SLC16A10: variants seen among roughly 807,000 people sequenced by gnomAD.
The protein encoded by SLC16A10 is solute carrier family 16 member 10.
In SLC16A10, 27 loss-of-function variants were observed where a neutral mutation model predicts 40.0. That is an observed-to-expected ratio of 0.67 (90% CI 0.50 to 0.93). The LOEUF (loss-of-function observed/expected upper bound fraction) is 0.93, where lower values mean the gene tolerates loss of function less well. Ranked by LOEUF, SLC16A10 falls within the 40% of genes least tolerant of loss-of-function variation. The pLI is 0.00. For missense variants in SLC16A10, 529 were observed against 658.2 expected (o/e 0.80, Z 2.15); for synonymous variants, 213 against 249.8 (o/e 0.85, Z 1.39).
chr6:111,151,120 A>C (rs923210900), intron 1 of SLC16A10, among the ~76,000 whole-genome samples: 1 of 152,212 alleles, frequency 6.6e-6, no homozygotes, highest in African/African-American at 2.4e-5. Context: ...TAATTTGTTC[A>C]AAATACAGAA....
At chr6:111,202,884 CAAAAAAAAAAAAAAAAAAAAAA>C (rs567667458) in intron 3 of SLC16A10, among the ~76,000 whole-genome samples, 151 of 86,308 alleles carry the variant, frequency 1.7e-3, no homozygotes, top group African/African-American at 6.4e-3. Flanking sequence ...GAGACTCCAT[CAAAAAAAAAAAAAAAAAAAAAA>C]AAAAAAAAAA....
intron 3 of SLC16A10, among the ~76,000 whole-genome samples, chr6:111,196,021 C>G (rs1224547390): frequency 1.3e-5 from 2 of 151,396 alleles, no homozygotes; most frequent in Non-Finnish European, 2.9e-5. Context: ...TAAAAAAACA[C>G]TGGCCTGGGC....
intron 1 of SLC16A10, among the ~76,000 whole-genome samples, chr6:111,166,805 A>AT (rs1458773855): frequency 2.0e-5 from 3 of 152,170 alleles, no homozygotes; most frequent in South Asian, 4.1e-4. Flanking sequence ...GAGCCTTGGG[A>AT]TTTTTTCTCA....
chr6:111,169,495 C>T (rs1237112191), intron 1 of SLC16A10, among the ~76,000 whole-genome samples: 1 of 152,252 alleles, frequency 6.6e-6, no homozygotes, highest in Admixed American at 6.5e-5. Context: ...CCTTCCCCAG[C>T]CTCCATCTCC....
intron 3 of SLC16A10, among the ~76,000 whole-genome samples, chr6:111,197,124 G>A (rs1773092287): frequency 6.6e-6 from 1 of 152,296 alleles, no homozygotes; most frequent in African/African-American, 2.4e-5. Flanking sequence ...ATTTATGGGT[G>A]CAAATTTGAG....
Position 111,222,579 on chromosome 6 carries a change from G to A in SLC16A10, c.*344G>A, listed in dbSNP as rs888645552. 4.7e-6 allele frequency: 1 copy of A among 214,678 alleles called. No individual in the cohort carries two copies. Among genetic ancestry groups the A allele is most frequent in the African/African-American group, 2.4e-5 (1 of 42,004 alleles). The allele number at this position is 214,678 out of a possible 1,614,324, so 13.3% of individuals were successfully genotyped here. A position where few individuals can be genotyped will look rare whatever the true frequency, so the allele number is the denominator to read the frequency against. On this transcript the variant is annotated 3_prime_UTR_variant, in exon 6 of 6. Transcript: ENST00000368851. ...TACCTCAGGCTATACTGAAAGGGTT[G>A]CAGTTTGGTTAGGAGTGGAAATATT...
chr6:111,142,397 CA>C (rs1431486109), intron 1 of SLC16A10, among the ~76,000 whole-genome samples: 1 of 152,056 alleles, frequency 6.6e-6, no homozygotes, highest in Non-Finnish European at 1.5e-5. Flanking sequence ...ACATGAAACA[CA>C]AAACTATACA....
At chr6:111,092,688 C>T (rs934887174) in intron 1 of SLC16A10, among the ~76,000 whole-genome samples, 4 of 151,882 alleles carry the variant, frequency 2.6e-5, no homozygotes, top group African/African-American at 9.7e-5. Context: ...AGGAATCAGA[C>T]ACTCTGGGGA....
chr6:111,128,561 A>T (rs1017293767), intron 1 of SLC16A10, among the ~76,000 whole-genome samples: 1 of 149,458 alleles, frequency 6.7e-6, no homozygotes, highest in African/African-American at 2.4e-5. Context: ...TGTTAATTCC[A>T]TAACACCACA....
At chr6:111,142,011 A>G (rs185369264) in intron 1 of SLC16A10, among the ~76,000 whole-genome samples, 1 of 123,446 alleles carries the variant, frequency 8.1e-6, no homozygotes, top group East Asian at 2.3e-4. Context: ...AAGCAGAATA[A>G]AGTTAAAGTC....
Position 111,222,341 on chromosome 6 carries a change from GGAATA to G in SLC16A10, c.*108_*112del. 1.5e-6 allele frequency: 2 copies of G among 1,374,740 alleles called. No individual in the cohort carries two copies. The highest frequency in any genetic ancestry group is 1.9e-6 in the Non-Finnish European group (2 of 1,046,482). The allele number at this position is 1,374,740 out of a possible 1,614,324, so 85.2% of individuals were successfully genotyped here. Reference sequence around the variant, plus strand: ...TTCATATTTTTTTAATCACATCCTAGGAATAGCACAATAATTGGGAAATAGAACCC... The same window carrying G: ...TTCATATTTTTTTAATCACATCCTAGGCACAATAATTGGGAAATAGAACCC... On this transcript the variant is annotated 3_prime_UTR_variant, in exon 6 of 6. Transcript: ENST00000368851.
rs968747353 is a variant in SLC16A10 at position 111,087,579 on chromosome 6, CGGCCGCCTGCGCGCT to C, written c.-157_-143del. 249 of 254,060 alleles carry C rather than the reference CGGCCGCCTGCGCGCT, an allele frequency of 9.8e-4. 5 individuals are homozygous for C. Among genetic ancestry groups the C allele is most frequent in the East Asian group, 7.4e-3 (88 of 11,842 alleles). The allele number at this position is 254,060 out of a possible 1,614,324, so 15.7% of individuals were successfully genotyped here. A position where few individuals can be genotyped will look rare whatever the true frequency, so the allele number is the denominator to read the frequency against. On this transcript the variant is annotated 5_prime_UTR_variant, in exon 1 of 6. Transcript: ENST00000368851. ...TGTTCGCGCGCGCCAGCTGTCCTCG[CGGCCGCCTGCGCGCT>C]GGCCGCCTGCGCGCTGCCAGCCCGC... is the stretch of plus-strand genomic sequence containing the variant.
At chr6:111,164,071 C>T (rs1376237663) in intron 1 of SLC16A10, among the ~76,000 whole-genome samples, 1 of 152,116 alleles carries the variant, frequency 6.6e-6, no homozygotes, top group East Asian at 1.9e-4. Flanking sequence ...CATGTAATAC[C>T]CTTTTGAATT....
chr6:111,102,235 T>A (rs1188415505), intron 1 of SLC16A10, among the ~76,000 whole-genome samples: 1 of 152,226 alleles, frequency 6.6e-6, no homozygotes, highest in Admixed American at 6.5e-5. Flanking sequence ...TGAACAACTT[T>A]ATAACACCTG....
intron 3 of SLC16A10, among the ~76,000 whole-genome samples, chr6:111,188,638 T>C (rs750975422): frequency 5.9e-5 from 9 of 152,144 alleles, no homozygotes; most frequent in Non-Finnish European, 1.2e-4. Context: ...AATCTAAATA[T>C]GATAATTTAC....
At chr6:111,100,947 G>C (rs866202903) in intron 1 of SLC16A10, among the ~76,000 whole-genome samples, 1,441 of 67,984 alleles carry the variant, frequency 0.021, 26 homozygotes, top group African/African-American at 0.074. Flanking sequence ...GTTCTCTCTC[G>C]CTCTTTCTCT....
chr6:111,221,878 G>T (rs1375181490), intron 5 of SLC16A10, 125 bp from the exon 6 acceptor site: 3 of 766,068 alleles, frequency 3.9e-6, no homozygotes, highest in Non-Finnish European at 6.1e-6. Context: ...TTATATTTCA[G>T]ATCTGTTTCC....
chr6:111,185,309 A>C (rs1432397590), intron 3 of SLC16A10, among the ~76,000 whole-genome samples: 3 of 152,186 alleles, frequency 2.0e-5, no homozygotes, highest in Non-Finnish European at 2.9e-5. Flanking sequence ...TTGCTAATCC[A>C]GAGATAGGAG....
rs1425143802 is a variant in SLC16A10, at chr6:111,087,867, C to G, written c.115C>G (p.Pro39Ala). The G allele has an allele frequency of 1.3e-6, 2 of 1,514,900 alleles. No individual in the cohort carries two copies. The highest frequency in any genetic ancestry group is 1.8e-6 in the Non-Finnish European group (2 of 1,135,106). The allele number at this position is 1,514,900 out of a possible 1,614,324, so 93.8% of individuals were successfully genotyped here. A position where few individuals can be genotyped will look rare whatever the true frequency, so the allele number is the denominator to read the frequency against. Residue 39 changes from proline (P) to alanine (A), a missense_variant, in exon 1 of 6, where the codon CCC becomes GCC. By Grantham distance (27) the Pro-to-Ala change is conservative. Coordinates refer to ENST00000368851, the MANE Select transcript of SLC16A10 (RefSeq NM_018593.5). ...PPPGPGPSDS[P>A]EAAVEKVEVE... is the part of the protein sequence containing the mutation. ...GCCCGGCCCGGGACCCTCGGACAGC[C>G]CCGAGGCGGCTGTCGAGAAGGTGGA...
Sources: gnomAD v4.1 joint callset for allele counts (sites outside exome capture counted in the v4.1 genomes callset) on GRCh38, gnomAD v4.1.1 for gene constraint, MANE v1.5 for transcripts, NCBI Gene and HGNC (gene_info 2026-07-23, HGNC 2026-07-21) for gene names.